Variants in PAAF1 observed in about 807,000 individuals in gnomAD.
PAAF1 encodes the protein proteasomal ATPase associated factor 1.
A neutral mutation model predicts 52.8 loss-of-function variants in PAAF1; 46 were observed. The observed-to-expected ratio is 0.87, with a 90% CI of 0.69 to 1.11. The LOEUF (loss-of-function observed/expected upper bound fraction) is 1.11, where lower values mean the gene tolerates loss of function less well. Ranked by LOEUF, PAAF1 falls within the 50% of genes most tolerant of loss-of-function variation. The pLI, the probability that PAAF1 is intolerant of heterozygous loss-of-function variation, is 0.00. For synonymous variants in PAAF1, 178 were observed against 172.8 expected, an observed-to-expected ratio of 1.03 and a Z score of -0.24; for missense variants, 424 against 477.4, an observed-to-expected ratio of 0.89 and a Z score of 1.04.
chr11:73,892,325 C>CAA (rs150332375), intron 4 of PAAF1, among the ~76,000 whole-genome samples: 2 of 81,794 alleles, frequency 2.4e-5, no homozygotes, highest in Middle Eastern at 7.1e-3. Flanking sequence ...ACTGTCTCAC[C>CAA]AAAAAAAAAA....
chr11:73,906,337 C>T (rs971759332), intron 6 of PAAF1, among the ~76,000 whole-genome samples: 1 of 152,198 alleles, frequency 6.6e-6, no homozygotes, highest in Non-Finnish European at 1.5e-5. Context: ...ACTTCAACCT[C>T]TGCCTCTCGG....
At chr11:73,922,075 C>T in intron 10 of PAAF1, 1 of 868,052 alleles carries the variant, frequency 1.2e-6, no homozygotes, top group Non-Finnish European at 1.9e-6. Flanking sequence ...TCCACAGTAT[C>T]TGTATCTTTT....
chr11:73,893,738 C>CAAAAAA (rs564348245), intron 4 of PAAF1, among the ~76,000 whole-genome samples: 1 of 71,966 alleles, frequency 1.4e-5, no homozygotes, highest in South Asian at 5.0e-4. Flanking sequence ...ACTCTGTCTC[C>CAAAAAA]AAAAAAAAAA....
intron 6 of PAAF1, among the ~76,000 whole-genome samples, chr11:73,902,961 G>C (rs1202632116): frequency 1.3e-5 from 2 of 152,180 alleles, no homozygotes; most frequent in African/African-American, 4.8e-5. Context: ...GCCTCCCAAA[G>C]TGCCGGGATT....
In PAAF1 at chr11:73,908,247, GTA is replaced by G. The variant is rs567090932; in HGVS notation, c.533-1144_533-1143del. Among the ~76,000 whole-genome samples the G allele has an allele frequency of 4.2e-3, 611 of 146,078 alleles. 1 individual carries two copies. The highest frequency in any genetic ancestry group is 7.1e-3 in the Middle Eastern group (2 of 280). On this transcript the variant is annotated intron_variant, in intron 6 of 11. Coordinates refer to ENST00000310571, the MANE Select transcript of PAAF1 (RefSeq NM_025155.3). ...TATATATATGTGTGTATATATATGT[GTA>G]TATATATGTATATATGTGTATATAT...
At chr11:73,924,943 A>C (rs1272404157) in intron 11 of PAAF1, among the ~76,000 whole-genome samples, 1 of 152,158 alleles carries the variant, frequency 6.6e-6, no homozygotes, top group South Asian at 2.1e-4. Context: ...ACTTGAGGTC[A>C]GGAGTTCAAG....
chr11:73,909,511 A>C lies in PAAF1; in HGVS notation c.645A>C (p.Ala215=). The change falls in exon 7 of 12, where the codon GCA becomes GCC. Residue 215 remains alanine (A), a synonymous_variant. Coordinates refer to ENST00000310571, the MANE Select transcript of PAAF1 (RefSeq NM_025155.3). ...GCTCAGCCTGCTTGGGAGTCCTTGC[A>C]GATTGTGGTTCTTCTATCAATGGAG... ...CGRSACLGVL[A]DCGSSINGVA... The C allele has an allele frequency of 6.2e-7, 1 of 1,614,214 alleles. No individual in the cohort carries two copies. The highest frequency in any genetic ancestry group is 8.5e-7 in the Non-Finnish European group (1 of 1,180,038).
rs188943496 is a variant in PAAF1 at position 73,878,137 on chromosome 11, G to A, written c.48-642G>A. 2.0e-5 allele frequency among the ~76,000 whole-genome samples: 3 copies of A among 152,192 alleles called. No individual in the cohort carries two copies. The East Asian group carries it at 5.8e-4, about 29-fold the overall frequency. ...AATTTATACCTTACTTAATTTAGGT[G>A]GGCTAAAATACAGACTAGTTGCTAG... is the stretch of plus-strand genomic sequence containing the variant. On this transcript the variant is annotated intron_variant, in intron 1 of 11. Coordinates refer to ENST00000310571, the MANE Select transcript of PAAF1 (RefSeq NM_025155.3).
chr11:73,898,814 A>T (rs931265591), intron 4 of PAAF1, among the ~76,000 whole-genome samples: 1 of 148,442 alleles, frequency 6.7e-6, no homozygotes, highest in Non-Finnish European at 1.5e-5. Context: ...AACTCTGTCA[A>T]ACAAACAAAC....
intron 4 of PAAF1, among the ~76,000 whole-genome samples, chr11:73,897,459 C>T (rs1949437762): frequency 6.6e-6 from 1 of 151,606 alleles, no homozygotes; most frequent in South Asian, 2.1e-4. Context: ...GGTCTCCTCA[C>T]TTCTCAGACG....
At chr11:73,914,265 C>T in intron 7 of PAAF1, 148 bp from the exon 8 acceptor site, 5 of 600,242 alleles carry the variant, frequency 8.3e-6, no homozygotes, top group South Asian at 2.2e-5. Flanking sequence ...TAAATAATAC[C>T]ACAGTGAGAT....
intron 7 of PAAF1, among the ~76,000 whole-genome samples, chr11:73,913,378 C>G (rs957822747): frequency 6.6e-6 from 1 of 151,884 alleles, no homozygotes; most frequent in Non-Finnish European, 1.5e-5. Flanking sequence ...GCGAATTGCT[C>G]GAGCCCAGGA....
intron 2 of PAAF1, among the ~76,000 whole-genome samples, chr11:73,886,672 C>CAAAAAAAAA (rs55697916): frequency 2.9e-5 from 1 of 34,282 alleles, no homozygotes; most frequent in African/African-American, 9.6e-5. Flanking sequence ...GACTCCATCT[C>CAAAAAAAAA]AAAAAAAAAA....
chr11:73,895,876 G>A (rs61901161), intron 4 of PAAF1, among the ~76,000 whole-genome samples: 13,921 of 152,252 alleles, frequency 0.091, 947 homozygotes, highest in Admixed American at 0.14. Context: ...GGAGGCCAAG[G>A]CAGAAGGATA....
At chr11:73,914,925 C>G (rs1950024346) in intron 8 of PAAF1, among the ~76,000 whole-genome samples, 1 of 151,982 alleles carries the variant, frequency 6.6e-6, no homozygotes. Flanking sequence ...AGACTAGTCT[C>G]AAACTCCTGA....
intron 4 of PAAF1, among the ~76,000 whole-genome samples, chr11:73,898,435 C>T (rs1949493375): frequency 6.6e-6 from 1 of 152,024 alleles, no homozygotes; most frequent in African/African-American, 2.4e-5. Context: ...AGGCTGGTCT[C>T]GAACTCCTGG....
At chr11:73,876,925 C>G (rs944406780), upstream of PAAF1, 2 of 1,231,438 alleles carry the variant, frequency 1.6e-6, no homozygotes, top group African/African-American at 3.1e-5. Context: ...TTGGTGGCCT[C>G]TTGGTGTTGA....
At chr11:73,897,816 G>A (rs554309446) in intron 4 of PAAF1, among the ~76,000 whole-genome samples, 37 of 152,280 alleles carry the variant, frequency 2.4e-4, no homozygotes, top group African/African-American at 8.4e-4. Flanking sequence ...GGCACTTTGG[G>A]AGGCCAAGGC....
chr11:73,885,290 C>T (rs1040540078), intron 2 of PAAF1, among the ~76,000 whole-genome samples: 4 of 151,734 alleles, frequency 2.6e-5, no homozygotes, highest in African/African-American at 9.7e-5. Context: ...ACTACAGGCA[C>T]GTGCCACCAC....
Sources: allele counts gnomAD v4.1 joint callset (sites outside exome capture counted in the v4.1 genomes callset), GRCh38; gene constraint gnomAD v4.1.1; transcripts MANE v1.5; gene names NCBI Gene and HGNC (gene_info 2026-07-23, HGNC 2026-07-21).